Variants in RAB27A observed in about 807,000 individuals in gnomAD.
The protein encoded by RAB27A is ras-related protein Rab-27A.
Under a neutral mutation model 20.8 loss-of-function variants are expected in RAB27A, and 17 were observed. The ratio of observed to expected loss-of-function variants is 0.82; its 90% CI spans 0.56 to 1.23. RAB27A has a LOEUF of 1.23. RAB27A is among the 50% of genes most tolerant of loss of function. The pLI is 0.00. For missense variants in RAB27A, 277 were observed against 266.7 expected, an observed-to-expected ratio of 1.04 and a Z score of -0.27; for synonymous variants, 85 against 92.8, an observed-to-expected ratio of 0.92 and a Z score of 0.48.
In RAB27A at chr15:55,284,810, C is replaced by T. The variant is rs573777300; in HGVS notation, c.-143+4906G>A. 8.5e-5 allele frequency among the ~76,000 whole-genome samples: 13 copies of T among 152,342 alleles called. 1 individual carries two copies. The highest frequency in any genetic ancestry group is 6.2e-4 in the South Asian group (3 of 4,832). ...ACTCTATGTGACTTTGACAAAGTGA[C>T]TTAACCTCTCTGGAGTAAATTCCAT... On this transcript the variant is annotated intron_variant, in intron 1 of 6. Transcript: ENST00000336787.
chr15:55,229,691 T>C (rs1305909352), intron 4 of RAB27A, among the ~76,000 whole-genome samples: 1 of 152,008 alleles, frequency 6.6e-6, no homozygotes, highest in Non-Finnish European at 1.5e-5. Flanking sequence ...AGAGCTCTTA[T>C]CTTTTAGAGC....
intron 3 of RAB27A, among the ~76,000 whole-genome samples, chr15:55,232,994 G>A (rs529045961): frequency 5.7e-4 from 86 of 151,968 alleles, no homozygotes; most frequent in South Asian, 1.7e-3. Flanking sequence ...GTGTGGTGGC[G>A]GGTGCCTGTA....
intron 6 of RAB27A, among the ~76,000 whole-genome samples, chr15:55,214,250 C>A (rs1237421593): frequency 6.6e-6 from 1 of 152,184 alleles, no homozygotes; most frequent in Middle Eastern, 3.2e-3. Context: ...TCCTGGCTAA[C>A]ATGGTGAAAC....
intron 2 of RAB27A, among the ~76,000 whole-genome samples, chr15:55,236,832 T>C (rs573036559): frequency 3.3e-5 from 5 of 152,332 alleles, no homozygotes; most frequent in South Asian, 4.1e-4. Flanking sequence ...CGAGTATTTA[T>C]CATTTCTATG....
intron 2 of RAB27A, among the ~76,000 whole-genome samples, chr15:55,302,527 G>C (rs2054976858): frequency 6.6e-6 from 1 of 151,278 alleles, no homozygotes; most frequent in Non-Finnish European, 1.5e-5. Context: ...GTCTCTGCCT[G>C]GCCGCCCATC....
At chr15:55,213,711 C>T (rs1895134086) in intron 6 of RAB27A, among the ~76,000 whole-genome samples, 1 of 152,186 alleles carries the variant, frequency 6.6e-6, no homozygotes, top group Non-Finnish European at 1.5e-5. Flanking sequence ...GTTGCACTCT[C>T]CTATGAGAAT....
At chr15:55,238,394 G>A (rs1376183678) in intron 2 of RAB27A, 2 of 152,076 alleles carry the variant, frequency 1.3e-5, no homozygotes, top group African/African-American at 2.4e-5. Flanking sequence ...AACCTAATAG[G>A]AAACTCACCA....
chr15:55,213,329 CTT>C (rs1895115190), intron 6 of RAB27A, among the ~76,000 whole-genome samples: 1 of 152,190 alleles, frequency 6.6e-6, no homozygotes, highest in African/African-American at 2.4e-5. Context: ...TTACCTTACT[CTT>C]TTATTCTTTC....
chr15:55,241,624 A>ATATATGTG (rs377301086), intron 2 of RAB27A, among the ~76,000 whole-genome samples: 4 of 117,668 alleles, frequency 3.4e-5, no homozygotes, highest in African/African-American at 4.4e-5. Context: ...ATATATATAT[A>ATATATGTG]TGTGTGTATA....
intron 3 of RAB27A, among the ~76,000 whole-genome samples, chr15:55,230,930 T>G (rs989177438): frequency 1.3e-5 from 2 of 152,146 alleles, no homozygotes; most frequent in Non-Finnish European, 2.9e-5. Context: ...AAACAGTGAA[T>G]GTAGTACCCA....
chr15:55,267,999 G>A (rs907315323), intron 2 of RAB27A, among the ~76,000 whole-genome samples: 2 of 152,148 alleles, frequency 1.3e-5, no homozygotes, highest in African/African-American at 2.4e-5. Flanking sequence ...ATACCTCTGT[G>A]ACTTAACTAT....
At chr15:55,238,770 A>G (rs1896366502) in intron 2 of RAB27A, among the ~76,000 whole-genome samples, 1 of 152,156 alleles carries the variant, frequency 6.6e-6, no homozygotes. Flanking sequence ...AATAATTCTG[A>G]TCCTTTTTGG....
At position 55,231,197 on chromosome 15, in the gene RAB27A, T is replaced by C. The variant is rs143555983; in HGVS notation, c.154-711A>G. Among the ~76,000 whole-genome samples, 234 of 152,330 alleles carry C rather than the reference T, an allele frequency of 1.5e-3. 1 individual carries two copies. The highest frequency in any genetic ancestry group is 5.5e-3 in the African/African-American group (228 of 41,584). Reference sequence around the variant, plus strand: ...TATTCTATGATGTATATGTACCACATTTTCTCTATCCAATCCACCACTGAT... The same window carrying C: ...TATTCTATGATGTATATGTACCACACTTTCTCTATCCAATCCACCACTGAT... On this transcript the variant is annotated intron_variant, in intron 3 of 6. Coordinates refer to ENST00000336787, the MANE Select transcript of RAB27A (RefSeq NM_183235.3).
intron 2 of RAB27A, among the ~76,000 whole-genome samples, chr15:55,248,436 TA>T (rs1896769398): frequency 2.0e-5 from 3 of 152,174 alleles, no homozygotes; most frequent in Non-Finnish European, 4.4e-5. Context: ...ACTGAGTTGC[TA>T]TATCAACTTC....
Position 55,203,481 on chromosome 15 carries a change from C to G in RAB27A, c.*2026G>C, listed in dbSNP as rs977339981. 5 of 143,370 alleles carry G rather than the reference C, an allele frequency of 3.5e-5. No individual in the cohort carries two copies. Among genetic ancestry groups the G allele is most frequent in the African/African-American group, 1.3e-4 (5 of 38,064 alleles). 8.9% of individuals were successfully genotyped at this position (143,370 alleles called of 1,614,324 possible). Reference sequence around the variant, plus strand: ...CCAGGCTGGAGTGCAGTGGCGCAATCTCGGCTCACTGCAAGCTCCGCCTCC... The same window carrying G: ...CCAGGCTGGAGTGCAGTGGCGCAATGTCGGCTCACTGCAAGCTCCGCCTCC... On this transcript the variant is annotated 3_prime_UTR_variant, in exon 7 of 7. Coordinates refer to ENST00000336787, the MANE Select transcript of RAB27A (RefSeq NM_183235.3).
chr15:55,282,040 G>A (rs565953350), intron 1 of RAB27A, among the ~76,000 whole-genome samples: 1 of 152,244 alleles, frequency 6.6e-6, no homozygotes, highest in African/African-American at 2.4e-5. Flanking sequence ...ACCAGCAGCT[G>A]GCACAGAGCA....
At chr15:55,318,936 A>C in exon 1 of RAB27A, 1 of 304,834 alleles carries the variant, frequency 3.3e-6, no homozygotes. Flanking sequence ...GGTACCTCCG[A>C]CTGTTCTGCG....
intron 6 of RAB27A, among the ~76,000 whole-genome samples, chr15:55,207,360 T>C (rs1310159846): frequency 6.6e-6 from 1 of 152,146 alleles, no homozygotes; most frequent in Non-Finnish European, 1.5e-5. Context: ...ACATGAGACA[T>C]CAGCAATCCC....
At chr15:55,279,996 G>A (rs1462742844) in intron 1 of RAB27A, among the ~76,000 whole-genome samples, 1 of 152,156 alleles carries the variant, frequency 6.6e-6, no homozygotes, top group Non-Finnish European at 1.5e-5. Context: ...TTCAGATTCA[G>A]TAGGTCTGGA....
Sources: allele counts gnomAD v4.1 joint callset (sites outside exome capture counted in the v4.1 genomes callset), GRCh38; gene constraint gnomAD v4.1.1; transcripts MANE v1.5; gene names NCBI Gene and HGNC (gene_info 2026-07-23, HGNC 2026-07-21).